The following COL18A1 variants were observed in gnomAD, a reference collection of about 807,000 sequenced individuals.
COL18A1 encodes collagen alpha-1(XVIII) chain.
In COL18A1, 133 loss-of-function variants were observed where a neutral mutation model predicts 168.0. That is an observed-to-expected ratio of 0.79 (90% confidence interval 0.69 to 0.91). The LOEUF (loss-of-function observed/expected upper bound fraction) is 0.91, where lower values mean the gene tolerates loss of function less well. Among genes scored for constraint, COL18A1 ranks in the 40% least tolerant of loss-of-function variants. The pLI is 0.00. For missense variants in COL18A1, 2,126 were observed against 1,925.4 expected (o/e 1.10, Z -1.95); for synonymous variants, 949 against 809.0 (o/e 1.17, Z -2.94).
rs1013823154 is a variant in COL18A1, at chr21:45,512,708, C to G, written c.*310C>G. On this transcript the variant is annotated 3_prime_UTR_variant, in exon 42 of 42. Transcript: ENST00000651438. ...CTCTTGGCCTGATCAGACCACGGCT[C>G]GATTTCTCCAGGATTTCCTGCTTTG... 13 of 442,298 alleles carry G rather than the reference C, an allele frequency of 2.9e-5. No homozygotes were observed. The highest frequency in any genetic ancestry group is 4.2e-5 in the Non-Finnish European group (10 of 239,696). 27.4% of individuals were successfully genotyped at this position (442,298 alleles called of 1,614,324 possible).
At chr21:45,482,476 G>A (rs2236469) in intron 14 of COL18A1, 118,025 of 564,920 alleles carry the variant, frequency 0.21, 12,841 homozygotes, top group Middle Eastern at 0.27. Flanking sequence ...GACGCGGGCT[G>A]TAAATGCCCC....
Position 45,479,183 on chromosome 21 carries a change from TGTGG to T in COL18A1, c.1249-717_1249-714del, listed in dbSNP as rs1370007034. Among the ~76,000 whole-genome samples the T allele has an allele frequency of 1.9e-3, 255 of 137,384 alleles. 1 individual carries two copies. The highest frequency in any genetic ancestry group is 5.4e-3 in the Admixed American group (75 of 13,830). 90.1% of individuals were successfully genotyped at this position (137,384 alleles called of 152,430 possible). On this transcript the variant is annotated intron_variant, in intron 9 of 41. Coordinates refer to ENST00000651438, the MANE Select transcript of COL18A1 (RefSeq NM_001379500.1). ...GTGTGAATGTGTGACTGCGCGTGTG[TGTGG>T]GGGGGTGAGGATCCACACGTACACA...
Position 45,474,596 on chromosome 21 carries a change from G to A in COL18A1, c.738+615G>A, listed in dbSNP as rs148377947. 4.2e-3 allele frequency among the ~76,000 whole-genome samples: 647 copies of A among 152,238 alleles called. 6 individuals carry two copies. The highest frequency in any genetic ancestry group is 0.015 in the African/African-American group (625 of 41,536). On this transcript the variant is annotated intron_variant, in intron 4 of 41. Coordinates refer to ENST00000651438, the MANE Select transcript of COL18A1 (RefSeq NM_001379500.1). ...TGTTGTGTGGCGTGTGTGTTGGTGGGGTGTGTGGAATCACGTGGTACCCAA... is the reference window on the plus strand; with the variant it reads ...TGTTGTGTGGCGTGTGTGTTGGTGGAGTGTGTGGAATCACGTGGTACCCAA...
chr21:45,462,351 T>C (rs113956452), intron 2 of COL18A1, among the ~76,000 whole-genome samples: 4,283 of 152,298 alleles, frequency 0.028, 211 homozygotes, highest in African/African-American at 0.097. Flanking sequence ...ATAGTCTCTC[T>C]GCACCTTTCT....
intron 3 of COL18A1, among the ~76,000 whole-genome samples, chr21:45,470,282 T>TGGC (rs2035363404): frequency 6.6e-6 from 1 of 152,268 alleles, no homozygotes; most frequent in East Asian, 1.9e-4. Flanking sequence ...CCTTTGTGAC[T>TGGC]GACCGGTTTA....
Position 45,446,143 on chromosome 21 carries a change from C to T in COL18A1, c.107-22099C>T, listed in dbSNP as rs550908989. Among the ~76,000 whole-genome samples, 14 of 152,280 alleles carry T rather than the reference C, an allele frequency of 9.2e-5. No homozygotes were observed. In the East Asian group the frequency reaches 1.2e-3, roughly 13 times the overall value. On this transcript the variant is annotated intron_variant, in intron 2 of 41. Coordinates refer to ENST00000651438, the MANE Select transcript of COL18A1 (RefSeq NM_001379500.1). The stretch of plus-strand genomic sequence containing the variant: ...GTAGGGATCCAGCTTCGCCCTTTTG[C>T]GTGTATCTGTTCGTTGGCCCAGCAC...
chr21:45,428,042 G>C (rs780187722), intron 2 of COL18A1, among the ~76,000 whole-genome samples: 1 of 152,192 alleles, frequency 6.6e-6, no homozygotes, highest in Non-Finnish European at 1.5e-5. Context: ...CCCACTGCTC[G>C]CGCCGGCCAA....
intron 2 of COL18A1, among the ~76,000 whole-genome samples, chr21:45,426,090 G>C (rs2033789802): frequency 6.6e-6 from 1 of 152,168 alleles, no homozygotes; most frequent in Admixed American, 6.5e-5. Context: ...CATTTAGTTT[G>C]AGTGACTTTC....
rs1446827053 is a variant in COL18A1, at chr21:45,437,258, TCACACACTCAGA to T, written c.107-30977_107-30966del. 1.5e-4 allele frequency among the ~76,000 whole-genome samples: 4 copies of T among 26,698 alleles called. 1 individual carries two copies. The highest frequency in any genetic ancestry group is 3.7e-4 in the African/African-American group (2 of 5,408). 17.5% of individuals were successfully genotyped at this position (26,698 alleles called of 152,430 possible). On this transcript the variant is annotated intron_variant, in intron 2 of 41. Transcript: ENST00000651438. Reference sequence around the variant, plus strand: ...GGCACTCTCCTGTACACACACACACTCACACACTCAGACACACAGGCACTCTCCTGCACACAC... The same window carrying T: ...GGCACTCTCCTGTACACACACACACTCACACAGGCACTCTCCTGCACACAC...
chr21:45,479,478 CACAT>C (rs1312568896), intron 9 of COL18A1, among the ~76,000 whole-genome samples: 1 of 152,152 alleles, frequency 6.6e-6, no homozygotes, highest in Non-Finnish European at 1.5e-5. Flanking sequence ...TACACACATA[CACAT>C]ACCACGTGTG....
At chr21:45,453,166 T>C (rs997936320) in intron 2 of COL18A1, among the ~76,000 whole-genome samples, 4 of 152,018 alleles carry the variant, frequency 2.6e-5, no homozygotes, top group African/African-American at 9.7e-5. Context: ...TGTGAGCATG[T>C]ATGTGTGTGT....
intron 15 of COL18A1, among the ~76,000 whole-genome samples, chr21:45,484,904 A>AAAAT (rs1251984202): frequency 1.3e-5 from 2 of 152,252 alleles, no homozygotes; most frequent in Non-Finnish European, 2.9e-5. Context: ...TAAAAAAACA[A>AAAAT]AAATGTCAAG....
chr21:45,503,118 T>C (rs974011663), intron 32 of COL18A1: 2 of 152,224 alleles, frequency 1.3e-5, no homozygotes, highest in Non-Finnish European at 2.9e-5. Flanking sequence ...ATGGTATTTC[T>C]AGTTCTAGAT....
At chr21:45,460,097 G>A (rs577591857) in intron 2 of COL18A1, among the ~76,000 whole-genome samples, 121 of 151,056 alleles carry the variant, frequency 8.0e-4, no homozygotes, top group Non-Finnish European at 1.2e-3. Flanking sequence ...ACACGTGTGC[G>A]TGCCGCAAGT....
At chr21:45,494,681 C>T in intron 27 of COL18A1, 110 bp downstream of exon 27, 2 of 1,522,134 alleles carry the variant, frequency 1.3e-6, no homozygotes, top group Non-Finnish European at 1.8e-6. Context: ...GCTCATCTCC[C>T]TAGTGCAGTT....
Position 45,476,171 on chromosome 21 carries a change from C to T in COL18A1, c.799-180C>T, listed in dbSNP as rs546008428. The stretch of plus-strand genomic sequence containing the variant: ...GGGGAGCCGGGGAGCCCACAGGCGG[C>T]CACACCCCTGCGGCCCACGGAAGGA... On this transcript the variant is annotated intron_variant, in intron 5 of 41. Coordinates refer to ENST00000651438, the MANE Select transcript of COL18A1 (RefSeq NM_001379500.1). 3.3e-5 allele frequency among the ~76,000 whole-genome samples: 5 copies of T among 152,324 alleles called. No individual in the cohort carries two copies. In the East Asian group the frequency reaches 7.7e-4, roughly 24 times the overall value.
intron 2 of COL18A1, among the ~76,000 whole-genome samples, chr21:45,442,072 C>T (rs1170956809): frequency 1.3e-5 from 2 of 152,226 alleles, no homozygotes; most frequent in African/African-American, 4.8e-5. Context: ...CGCAGTCCTG[C>T]GGGGAGGCCC....
intron 2 of COL18A1, chr21:45,421,135 C>T (rs2033610608): frequency 3.1e-6 from 1 of 325,730 alleles, no homozygotes; most frequent in African/African-American, 2.2e-5. Flanking sequence ...CCTGTCCTGC[C>T]CTGCACTCCT....
chr21:45,454,320 G>A (rs2034726722), intron 2 of COL18A1, among the ~76,000 whole-genome samples: 1 of 152,150 alleles, frequency 6.6e-6, no homozygotes, highest in Non-Finnish European at 1.5e-5. Flanking sequence ...ACAGGTTGTG[G>A]GGCTGTTTCG....
Sources: allele counts gnomAD v4.1 joint callset (sites outside exome capture counted in the v4.1 genomes callset), GRCh38; gene constraint gnomAD v4.1.1; transcripts MANE v1.5; gene names NCBI Gene and HGNC (gene_info 2026-07-23, HGNC 2026-07-21).